CHST11: variants seen among roughly 807,000 people sequenced by gnomAD.
The protein encoded by CHST11 is C4S-1.
Under a neutral mutation model 30.4 loss-of-function variants are expected in CHST11, and 9 were observed. That is an observed-to-expected ratio of 0.30 (90% CI 0.18 to 0.52). The LOEUF is 0.52. CHST11 is among the 20% of genes least tolerant of loss of function. The pLI, the probability that CHST11 is intolerant of heterozygous loss-of-function variation, is 0.97. For missense variants in CHST11, 348 were observed against 460.6 expected, an observed-to-expected ratio of 0.76 and a Z score of 2.24; for synonymous variants, 152 against 187.8, an observed-to-expected ratio of 0.81 and a Z score of 1.56.
Position 104,600,182 on chromosome 12 carries a change from A to T in CHST11, c.119-1724A>T, listed in dbSNP as rs1784186187. ...GAGTTTCCACGTGGCTCAAAGTGAC[A>T]AGTCAACGGAGGCTCACCTGAGCAG... On this transcript the variant is annotated intron_variant, in intron 1 of 2. Transcript: ENST00000303694. This position sits in a 1 kb window ranked among gnomAD's most constrained non-coding sequence, Gnocchi z 4.1. Among the ~76,000 whole-genome samples the T allele has an allele frequency of 6.6e-6, 1 of 152,194 alleles. No homozygotes were observed. The highest frequency in any genetic ancestry group is 2.4e-5 in the African/African-American group (1 of 41,440).
intron 1 of CHST11, among the ~76,000 whole-genome samples, chr12:104,507,420 T>C (rs546964921): frequency 5.3e-5 from 8 of 152,332 alleles, no homozygotes; most frequent in East Asian, 1.9e-4. Context: ...GAGCAAAGGC[T>C]TTGGCACCGC....
chr12:104,755,779 C>A (rs1268537030), intron 2 of CHST11, among the ~76,000 whole-genome samples: 5 of 151,534 alleles, frequency 3.3e-5, no homozygotes, highest in Admixed American at 2.6e-4. Flanking sequence ...GAGTAAGACT[C>A]TGGAAAAAAA....
At chr12:104,491,489 A>G (rs545011752) in intron 1 of CHST11, among the ~76,000 whole-genome samples, 1 of 150,398 alleles carries the variant, frequency 6.6e-6, no homozygotes, top group African/African-American at 2.5e-5. Context: ...TTTTAGTATT[A>G]TGGGGATCTG....
intron 2 of CHST11, among the ~76,000 whole-genome samples, chr12:104,714,387 C>A (rs1234617054): frequency 5.9e-5 from 9 of 152,272 alleles, no homozygotes; most frequent in East Asian, 3.9e-4. Context: ...GACCATGGGA[C>A]CTTGGTCAGT....
rs2038995653 is a variant in CHST11, at chr12:104,605,446, GC to G, written c.204+3456del. ...TACAAAAAATTCTATGGGCGTGGTGGCGGGCGCCTACAGTCCCAGCTTCTCC... is the reference window on the plus strand; with the variant it reads ...TACAAAAAATTCTATGGGCGTGGTGGGGGCGCCTACAGTCCCAGCTTCTCC... On this transcript the variant is annotated intron_variant, in intron 2 of 2. Coordinates refer to ENST00000303694, the MANE Select transcript of CHST11 (RefSeq NM_018413.6). Among the ~76,000 whole-genome samples the G allele has an allele frequency of 2.0e-5, 3 of 152,202 alleles. No individual in the cohort carries two copies. In the South Asian group the frequency reaches 6.2e-4, roughly 31 times the overall value.
intron 2 of CHST11, among the ~76,000 whole-genome samples, chr12:104,714,167 C>T (rs918533469): frequency 6.6e-6 from 1 of 152,214 alleles, no homozygotes; most frequent in African/African-American, 2.4e-5. Context: ...GAAGAAGGCG[C>T]ACTGGGAGAG....
At chr12:104,487,731 T>G (rs915202557) in intron 1 of CHST11, among the ~76,000 whole-genome samples, 3 of 151,688 alleles carry the variant, frequency 2.0e-5, no homozygotes, top group Non-Finnish European at 4.4e-5. Context: ...TGTACCTATT[T>G]TTTTTTTTTT....
At chr12:104,574,333 C>T (rs2038660739) in intron 1 of CHST11, among the ~76,000 whole-genome samples, 1 of 152,060 alleles carries the variant, frequency 6.6e-6, no homozygotes, top group East Asian at 1.9e-4. Context: ...ACTAGAAATA[C>T]CATTTGACCC....
chr12:104,754,358 T>C (rs2040458280), intron 2 of CHST11, among the ~76,000 whole-genome samples: 1 of 152,158 alleles, frequency 6.6e-6, no homozygotes, highest in African/African-American at 2.4e-5. Context: ...GCTCTGTGGG[T>C]AGGTAATCGG....
intron 2 of CHST11, among the ~76,000 whole-genome samples, chr12:104,742,171 A>C (rs2040352466): frequency 6.6e-6 from 1 of 152,204 alleles, no homozygotes; most frequent in Non-Finnish European, 1.5e-5. Context: ...GCAGATGAGG[A>C]AACTAAGGCC....
At chr12:104,530,635 G>T (rs954196262) in intron 1 of CHST11, among the ~76,000 whole-genome samples, 4 of 152,224 alleles carry the variant, frequency 2.6e-5, no homozygotes, top group African/African-American at 7.2e-5. Context: ...TGAAATGTAG[G>T]TTAAGCACTT....
chr12:104,575,518 G>C (rs114710351), intron 1 of CHST11, among the ~76,000 whole-genome samples: 1 of 152,316 alleles, frequency 6.6e-6, no homozygotes, highest in African/African-American at 2.4e-5. Context: ...GATAATCCGG[G>C]TGAAGGGGGT....
At chr12:104,517,145 C>G (rs142512812) in intron 1 of CHST11, among the ~76,000 whole-genome samples, 267 of 152,292 alleles carry the variant, frequency 1.8e-3, no homozygotes, top group African/African-American at 6.2e-3. Flanking sequence ...CTGGGGGAAG[C>G]TGGAATTTGA....
chr12:104,492,430 A>T (rs552941510), intron 1 of CHST11, among the ~76,000 whole-genome samples: 1 of 152,070 alleles, frequency 6.6e-6, no homozygotes, highest in African/African-American at 2.4e-5. Context: ...CCTTGTTATC[A>T]TCCATTTCCC....
At chr12:104,719,919 C>G (rs891211665) in intron 2 of CHST11, among the ~76,000 whole-genome samples, 2 of 152,354 alleles carry the variant, frequency 1.3e-5, no homozygotes, top group Non-Finnish European at 2.9e-5. Flanking sequence ...GTCTTGCACC[C>G]ATTTCCTGGA....
intron 1 of CHST11, among the ~76,000 whole-genome samples, chr12:104,571,229 T>C (rs2038623000): frequency 6.6e-6 from 1 of 150,982 alleles, no homozygotes; most frequent in Non-Finnish European, 1.5e-5. Flanking sequence ...AATGGCCCGA[T>C]CTCAGCTTAC....
intron 2 of CHST11, among the ~76,000 whole-genome samples, chr12:104,697,022 G>A (rs2039953350): frequency 6.6e-6 from 1 of 152,106 alleles, no homozygotes; most frequent in African/African-American, 2.4e-5. Flanking sequence ...TCTACCTATA[G>A]GTAGACAGAT....
At chr12:104,651,411 C>T (rs1406649850) in intron 2 of CHST11, among the ~76,000 whole-genome samples, 1 of 152,138 alleles carries the variant, frequency 6.6e-6, no homozygotes, top group Admixed American at 6.5e-5. Flanking sequence ...GGTGCCGTGC[C>T]GTTCATCACT....
At chr12:104,623,699 A>G (rs7133631) in intron 2 of CHST11, among the ~76,000 whole-genome samples, 1 of 151,898 alleles carries the variant, frequency 6.6e-6, no homozygotes, top group Non-Finnish European at 1.5e-5. Flanking sequence ...CGCCTGGGTG[A>G]CAGAGTGAGA....
Sources: gnomAD v4.1 joint callset for allele counts (sites outside exome capture counted in the v4.1 genomes callset) on GRCh38, gnomAD v4.1.1 for gene constraint, Gnocchi (gnomAD v3.1) non-coding constraint, MANE v1.5 for transcripts, NCBI Gene and HGNC (gene_info 2026-07-23, HGNC 2026-07-21) for gene names.